GSN: variants seen among roughly 807,000 people sequenced by gnomAD.
The protein encoded by GSN is actin-depolymerizing factor.
GSN carries 56 observed loss-of-function variants against 85.7 expected under a neutral mutation model. The ratio of observed to expected loss-of-function variants is 0.65; its 90% confidence interval spans 0.53 to 0.82. The LOEUF is 0.82. GSN is among the 40% of genes least tolerant of loss of function. The pLI is 0.00. For missense variants in GSN, 857 were observed against 979.8 expected (o/e 0.87, Z 1.67); for synonymous variants, 373 against 399.1 (o/e 0.93, Z 0.78).
chr9:121,270,972 C>T (rs893151977), intron 1 of GSN, among the ~76,000 whole-genome samples: 6 of 152,166 alleles, frequency 3.9e-5, no homozygotes, highest in African/African-American at 1.4e-4. Context: ...AAATGGACCC[C>T]CAGTCTTGGT....
At chr9:121,249,856 T>C (rs2054780143) in intron 6 of GSN, among the ~76,000 whole-genome samples, 1 of 152,230 alleles carries the variant, frequency 6.6e-6, no homozygotes, top group Admixed American at 6.5e-5. Flanking sequence ...TGCTGCTTTC[T>C]TGAAAGAAAT....
At chr9:121,222,224 C>T (rs2132114530) in intron 4 of GSN, 1 of 152,222 alleles carries the variant, frequency 6.6e-6, no homozygotes, top group Admixed American at 6.5e-5. Flanking sequence ...CCTTTGTAAA[C>T]ATTTTTGTGT....
At chr9:121,328,644 G>A (rs1299300755) in intron 14 of GSN, among the ~76,000 whole-genome samples, 6 of 152,120 alleles carry the variant, frequency 3.9e-5, no homozygotes, top group South Asian at 2.1e-4. Flanking sequence ...CAATGCTGTC[G>A]TCAGCCTCAA....
chr9:121,264,398 G>GCCAT (rs1350880772), upstream of GSN, among the ~76,000 whole-genome samples: 2 of 152,150 alleles, frequency 1.3e-5, no homozygotes, highest in African/African-American at 4.8e-5. Flanking sequence ...GCTGCAGGAA[G>GCCAT]CCATGTTTGT....
At position 121,323,343 on chromosome 9, in the gene GSN, C is replaced by A; in HGVS notation, c.1326-1211C>A. On this transcript the variant is annotated intron_variant, in intron 11 of 17. Coordinates refer to ENST00000432226, the MANE Select transcript of GSN (RefSeq NM_198252.3). Reference sequence around the variant, plus strand: ...ACTACTTACTAATCTATAGGCTTTACCTAAATTTCCTCAGTTTTCCCATTA... The same window carrying A: ...ACTACTTACTAATCTATAGGCTTTAACTAAATTTCCTCAGTTTTCCCATTA... 1.4e-5 allele frequency among the ~76,000 whole-genome samples: 2 copies of A among 148,116 alleles called. 1 individual carries two copies. Among genetic ancestry groups the A allele is most frequent in the South Asian group, 4.3e-4 (2 of 4,630 alleles).
chr9:121,281,609 TG>T (rs1471168122), intron 2 of GSN, 47 bp downstream of exon 2: 1 of 471,188 alleles, frequency 2.1e-6, no homozygotes, highest in Non-Finnish European at 4.4e-6. Flanking sequence ...AACCCCGCCC[TG>T]GCTGCCCAGG....
rs1212082697 is a variant in GSN, at chr9:121,299,537, G to A, written c.-9-2426G>A. 2.2e-5 allele frequency: 20 copies of A among 900,496 alleles called. No individual in the cohort carries two copies. The highest frequency in any genetic ancestry group is 2.4e-5 in the Non-Finnish European group (18 of 752,492). The allele number at this position is 900,496 out of a possible 1,614,324, so 55.8% of individuals were successfully genotyped here. On this transcript the variant is annotated intron_variant, in intron 2 of 17. Coordinates refer to ENST00000432226, the MANE Select transcript of GSN (RefSeq NM_198252.3). This position sits in a 1 kb window ranked among gnomAD's most constrained non-coding sequence, Gnocchi z 4.2. ...CTGGAGGTGTTAGGTGCGGAGAGGC[G>A]AGGGGGCTCGCGTGCGTCGCAGGAG...
chr9:121,328,584 C>G (rs937163437), intron 14 of GSN, among the ~76,000 whole-genome samples: 8 of 152,052 alleles, frequency 5.3e-5, no homozygotes, highest in Non-Finnish European at 2.9e-5. Context: ...TTAACCTCTC[C>G]GAGCCACAAC....
At chr9:121,229,962 A>G (rs2054355236) in intron 4 of GSN, among the ~76,000 whole-genome samples, 2 of 152,120 alleles carry the variant, frequency 1.3e-5, no homozygotes, top group Non-Finnish European at 1.5e-5. Context: ...CTTTTTTTAT[A>G]CACTCATGGA....
chr9:121,255,124 A>G (rs1037578919), intron 6 of GSN, among the ~76,000 whole-genome samples: 1 of 151,788 alleles, frequency 6.6e-6, no homozygotes, highest in Non-Finnish European at 1.5e-5. Flanking sequence ...AATTTTTTGT[A>G]TTTTTAGTAG....
At chr9:121,228,615 G>T (rs151021484) in intron 4 of GSN, among the ~76,000 whole-genome samples, 8 of 151,124 alleles carry the variant, frequency 5.3e-5, no homozygotes, top group Admixed American at 4.0e-4. Flanking sequence ...TGTAGAGATG[G>T]GGTTTCACCA....
intron 5 of GSN, chr9:121,238,866 T>C (rs2054547865): frequency 1.9e-6 from 1 of 530,322 alleles, no homozygotes; most frequent in African/African-American, 1.9e-5. Flanking sequence ...TTGTACATCC[T>C]TCCCAATAGC....
intron 11 of GSN, 71 bp downstream of exon 11, chr9:121,321,472 C>A (rs994911244): frequency 5.1e-5 from 77 of 1,514,466 alleles, no homozygotes; most frequent in Non-Finnish European, 2.4e-5. Flanking sequence ...TGAAGACAAA[C>A]TGAGGGTGTG....
At chr9:121,217,237 G>A (rs1038266753) in intron 4 of GSN, among the ~76,000 whole-genome samples, 28 of 151,836 alleles carry the variant, frequency 1.8e-4, no homozygotes, top group African/African-American at 6.8e-4. Context: ...GTGGTGGTGG[G>A]CACCTGTAAT....
chr9:121,274,744 C>T (rs567119879), intron 1 of GSN, among the ~76,000 whole-genome samples: 28 of 152,220 alleles, frequency 1.8e-4, no homozygotes, highest in South Asian at 4.1e-4. Context: ...CTTGCTAAAC[C>T]GACCTAACAA....
At chr9:121,237,309 C>G (rs1323205670) in intron 5 of GSN, among the ~76,000 whole-genome samples, 2 of 152,180 alleles carry the variant, frequency 1.3e-5, no homozygotes, top group African/African-American at 2.4e-5. Flanking sequence ...TGCCTGTAAT[C>G]ACAACACTTT....
chr9:121,211,107 G>A (rs2053961007), intron 4 of GSN, among the ~76,000 whole-genome samples: 1 of 152,220 alleles, frequency 6.6e-6, no homozygotes, highest in African/African-American at 2.4e-5. Context: ...CCACTTATAT[G>A]AAGTACATAG....
chr9:121,257,916 G>A (rs910715175), intron 6 of GSN, among the ~76,000 whole-genome samples: 3 of 152,240 alleles, frequency 2.0e-5, no homozygotes, highest in African/African-American at 7.2e-5. Flanking sequence ...CAGAGGCTCA[G>A]GAGGTTAAAT....
At chr9:121,322,532 G>A (rs1288152921) in intron 11 of GSN, among the ~76,000 whole-genome samples, 1 of 152,210 alleles carries the variant, frequency 6.6e-6, no homozygotes, top group African/African-American at 2.4e-5. Context: ...CTTTGAACAT[G>A]CAGAGACATG....
Sources: gnomAD v4.1 joint callset for allele counts (sites outside exome capture counted in the v4.1 genomes callset) on GRCh38, gnomAD v4.1.1 for gene constraint, Gnocchi (gnomAD v3.1) non-coding constraint, MANE v1.5 for transcripts, NCBI Gene and HGNC (gene_info 2026-07-23, HGNC 2026-07-21) for gene names.